Variants in UBE2E3 observed in about 807,000 individuals in gnomAD.
UBE2E3 encodes ubiquitin-conjugating enzyme E2 E3.
In UBE2E3, 5 loss-of-function variants were observed where a neutral mutation model predicts 23.6. The observed-to-expected ratio is 0.21, with a 90% CI of 0.11 to 0.44. The LOEUF is 0.44. Among genes scored for constraint, UBE2E3 ranks in the 20% least tolerant of loss-of-function variants. The pLI is 0.99. For synonymous variants in UBE2E3, 78 were observed against 87.5 expected (o/e 0.89, Z 0.60); for missense variants, 81 against 249.8 (o/e 0.32, Z 4.55).
At chr2:181,012,555 A>G (rs1014343286) in intron 3 of UBE2E3, among the ~76,000 whole-genome samples, 3 of 152,206 alleles carry the variant, frequency 2.0e-5, no homozygotes, top group African/African-American at 7.2e-5. Context: ...ACATTGTCAC[A>G]TAAGCACACA....
chr2:181,060,566 T>G (rs1441553480), intron 4 of UBE2E3, 99 bp from the exon 5 acceptor site: 2 of 1,108,290 alleles, frequency 1.8e-6, no homozygotes, highest in Admixed American at 2.9e-5. Flanking sequence ...TCAAATAATT[T>G]AGTATCATCT....
At chr2:180,988,906 CA>C (rs1206145509) in intron 3 of UBE2E3, among the ~76,000 whole-genome samples, 3 of 149,950 alleles carry the variant, frequency 2.0e-5, no homozygotes, top group Admixed American at 1.3e-4. Context: ...TTCAATTCTT[CA>C]AAAAAAAAGG....
chr2:181,033,215 T>A (rs1686142203), intron 3 of UBE2E3, among the ~76,000 whole-genome samples: 1 of 152,190 alleles, frequency 6.6e-6, no homozygotes, highest in Non-Finnish European at 1.5e-5. Flanking sequence ...AGAGCCCGCA[T>A]TGCCAAGACA....
chr2:181,027,975 A>G (rs980429961), intron 3 of UBE2E3, among the ~76,000 whole-genome samples: 62 of 152,130 alleles, frequency 4.1e-4, no homozygotes, highest in African/African-American at 1.5e-3. Context: ...AGATGGTATC[A>G]TTGAATCTCT....
chr2:180,990,152 AT>A, intron 3 of UBE2E3: 1 of 626,500 alleles, frequency 1.6e-6, no homozygotes, highest in Non-Finnish European at 2.6e-6. Context: ...AACTGAGGCA[AT>A]TTTTGTCCTC....
At chr2:181,005,256 A>G (rs188255885) in intron 3 of UBE2E3, among the ~76,000 whole-genome samples, 47 of 152,322 alleles carry the variant, frequency 3.1e-4, no homozygotes, top group African/African-American at 1.0e-3. Flanking sequence ...TCATAAGATA[A>G]CTGATAGTAC....
At chr2:180,981,504 G>A (rs2105558838) in intron 1 of UBE2E3, 1 of 152,370 alleles carries the variant, frequency 6.6e-6, no homozygotes, top group South Asian at 2.1e-4. Flanking sequence ...ATTTCCAAGT[G>A]TTGTGTTTAA....
chr2:181,008,382 G>A (rs1407368937), intron 3 of UBE2E3, among the ~76,000 whole-genome samples: 2 of 152,184 alleles, frequency 1.3e-5, no homozygotes, highest in African/African-American at 2.4e-5. Flanking sequence ...TCACATGGTT[G>A]GTAAAAGGTG....
intron 3 of UBE2E3, among the ~76,000 whole-genome samples, chr2:181,021,632 T>TTTCCTTCC (rs544002192): frequency 0.1 from 3,983 of 39,842 alleles, 246 homozygotes; most frequent in East Asian, 0.19. Context: ...CCCTCCCTTT[T>TTTCCTTCC]TTCCTTCCTT....
intron 1 of UBE2E3, chr2:180,981,230 C>G (rs1684280132): frequency 6.6e-6 from 1 of 150,980 alleles, no homozygotes. Context: ...GGCTCGCCTC[C>G]GCGGGCGCGG....
At position 181,035,264 on chromosome 2, in the gene UBE2E3, A is replaced by G. The variant is rs547226448; in HGVS notation, c.246-22429A>G. ...ACTATGATTTGCATGATGTAAGGCT[A>G]TAAATGTATATTCCTTTTTCTGAAC... On this transcript the variant is annotated intron_variant, in intron 3 of 5. Coordinates refer to ENST00000410062, the MANE Select transcript of UBE2E3 (RefSeq NM_006357.4). Among the ~76,000 whole-genome samples, 7 of 152,332 alleles carry G rather than the reference A, an allele frequency of 4.6e-5. No homozygotes were observed. The East Asian group carries it at 5.8e-4, about 13-fold the overall frequency.
At chr2:180,999,297 A>G (rs1308018327) in intron 3 of UBE2E3, among the ~76,000 whole-genome samples, 3 of 152,206 alleles carry the variant, frequency 2.0e-5, no homozygotes, top group Admixed American at 6.5e-5. Context: ...GAAATACCAC[A>G]ATACCAAAAA....
chr2:181,057,394 G>A (rs1687018680), intron 3 of UBE2E3, among the ~76,000 whole-genome samples: 1 of 151,802 alleles, frequency 6.6e-6, no homozygotes, highest in African/African-American at 2.4e-5. Context: ...GTTTAGAGGG[G>A]TGTGTGTTTC....
At chr2:180,991,136 T>TA (rs1684641638) in intron 3 of UBE2E3, among the ~76,000 whole-genome samples, 2 of 137,914 alleles carry the variant, frequency 1.5e-5, no homozygotes, top group African/African-American at 5.2e-5. Context: ...ACAACCTTAT[T>TA]AAAAAACCTT....
chr2:181,056,414 G>A (rs1209953847), intron 3 of UBE2E3, among the ~76,000 whole-genome samples: 1 of 151,764 alleles, frequency 6.6e-6, no homozygotes, highest in Non-Finnish European at 1.5e-5. Flanking sequence ...ATCTGCATCT[G>A]TTGAGGGCCT....
intron 3 of UBE2E3, among the ~76,000 whole-genome samples, chr2:181,032,893 A>AC (rs1686127955): frequency 6.6e-6 from 1 of 152,204 alleles, no homozygotes; most frequent in Non-Finnish European, 1.5e-5. Context: ...CCAATAACAG[A>AC]CGCAGAGCCA....
chr2:181,038,980 T>C (rs2105661630), intron 3 of UBE2E3, among the ~76,000 whole-genome samples: 1 of 152,246 alleles, frequency 6.6e-6, no homozygotes, highest in African/African-American at 2.4e-5. Context: ...GAAGGCAAAA[T>C]GGTATGGCCA....
intron 2 of UBE2E3, among the ~76,000 whole-genome samples, chr2:180,983,693 C>G (rs760456636): frequency 3.9e-5 from 6 of 152,136 alleles, no homozygotes; most frequent in Non-Finnish European, 2.9e-5. Flanking sequence ...TGCTTTCCCT[C>G]CTCCCTTTTT....
intron 3 of UBE2E3, among the ~76,000 whole-genome samples, chr2:181,034,227 T>C (rs1195348838): frequency 4.6e-5 from 7 of 152,154 alleles, no homozygotes; most frequent in Admixed American, 2.6e-4. Flanking sequence ...CACATACACA[T>C]GTATGTTTAT....
Sources: gnomAD v4.1 joint callset for allele counts (sites outside exome capture counted in the v4.1 genomes callset) on GRCh38, gnomAD v4.1.1 for gene constraint, MANE v1.5 for transcripts, NCBI Gene and HGNC (gene_info 2026-07-23, HGNC 2026-07-21) for gene names.